ASTN1: variants seen among roughly 807,000 people sequenced by gnomAD.
ASTN1 encodes astrotactin 1.
ASTN1 carries 41 observed loss-of-function variants against 140.7 expected under a neutral mutation model. The observed-to-expected ratio is 0.29, with a 90% CI of 0.23 to 0.38. The LOEUF (loss-of-function observed/expected upper bound fraction) is 0.38, where lower values mean the gene tolerates loss of function less well. Ranked by LOEUF, ASTN1 falls within the 10% of genes least tolerant of loss-of-function variation. The pLI, the probability that ASTN1 is intolerant of heterozygous loss-of-function variation, is 1.00. For synonymous variants in ASTN1, 640 were observed against 652.2 expected (o/e 0.98, Z 0.29); for missense variants, 1,479 against 1,678.8 (o/e 0.88, Z 2.08).
rs756032018 is a variant in ASTN1, at chr1:176,894,565, C to G, written c.2937G>C (p.Gln979His). The change falls in exon 17 of 23, where the codon CAG becomes CAC. Residue 979 changes from glutamine to histidine, a missense_variant. Gln to His is a conservative substitution (Grantham distance 24). This residue lies in a region of ASTN1 where 746 missense variants were observed against 800.9 expected (regional missense o/e 0.93). Transcript: ENST00000361833. ...IYELVTNNQT[Q>H]RLLQEATMSS... ...CCAAGAGTCCCAGGCCTCTTACCCT[C>G]TGGGTCTGGTTGTTGGTCACTAGTT... The G allele has an allele frequency of 6.2e-7, 1 of 1,613,824 alleles. No individual in the cohort carries two copies. Among genetic ancestry groups the G allele is most frequent in the Non-Finnish European group, 8.5e-7 (1 of 1,180,006 alleles).
chr1:177,057,961 C>T (rs1677895395), intron 2 of ASTN1, among the ~76,000 whole-genome samples: 2 of 152,158 alleles, frequency 1.3e-5, no homozygotes, highest in Non-Finnish European at 2.9e-5. Context: ...AGGAAGCCAT[C>T]AGAGATTCTA....
At chr1:177,099,048 T>C (rs1680180256) in intron 1 of ASTN1, among the ~76,000 whole-genome samples, 1 of 152,164 alleles carries the variant, frequency 6.6e-6, no homozygotes, top group Admixed American at 6.5e-5. Context: ...ATAAAGACCA[T>C]TTTTTTCTAT....
At chr1:176,870,083 G>A (rs1668276973) in intron 21 of ASTN1, among the ~76,000 whole-genome samples, 1 of 152,214 alleles carries the variant, frequency 6.6e-6, no homozygotes, top group Non-Finnish European at 1.5e-5. Context: ...AAATGATTTT[G>A]TATAGACTTG....
chr1:177,120,740 T>C (rs1164770894), intron 1 of ASTN1, among the ~76,000 whole-genome samples: 2 of 152,184 alleles, frequency 1.3e-5, no homozygotes, highest in Admixed American at 6.5e-5. Context: ...TCGCCTTGGC[T>C]ATCCTCTGAG....
At chr1:177,013,583 T>C (rs760171698) in intron 8 of ASTN1, among the ~76,000 whole-genome samples, 1 of 152,180 alleles carries the variant, frequency 6.6e-6, no homozygotes, top group Non-Finnish European at 1.5e-5. Flanking sequence ...TTTGGTCTCA[T>C]CAGAATCACA....
At chr1:176,929,905 G>A (rs1228512056) in intron 16 of ASTN1, among the ~76,000 whole-genome samples, 6 of 152,176 alleles carry the variant, frequency 3.9e-5, no homozygotes, top group Admixed American at 1.3e-4. Context: ...CTACTCAGGA[G>A]GCTGAGGCAG....
At position 177,127,871 on chromosome 1, in the gene ASTN1, G is replaced by T. The variant is rs143957199; in HGVS notation, c.283+36523C>A. ...CATATGATGCAAAACGTAAATGTTT[G>T]CTGTAGATGTAATTTTTCATGTCAA... On this transcript the variant is annotated intron_variant, in intron 1 of 22. Coordinates refer to ENST00000361833, the MANE Select transcript of ASTN1 (RefSeq NM_004319.3). Among the ~76,000 whole-genome samples the T allele has an allele frequency of 4.9e-3, 745 of 152,312 alleles. 6 individuals carry two copies. Among genetic ancestry groups the T allele is most frequent in the African/African-American group, 0.017 (714 of 41,544 alleles).
intron 16 of ASTN1, among the ~76,000 whole-genome samples, chr1:176,911,704 T>C (rs1670248517): frequency 6.6e-6 from 1 of 152,190 alleles, no homozygotes; most frequent in African/African-American, 2.4e-5. Flanking sequence ...TCTTCTGAAC[T>C]ACCTCCTGGA....
intron 9 of ASTN1, among the ~76,000 whole-genome samples, chr1:176,959,295 G>C (rs769444261): frequency 2.6e-5 from 4 of 152,160 alleles, no homozygotes; most frequent in Non-Finnish European, 4.4e-5. Context: ...TGGGATATGA[G>C]GAGGCTGTGG....
At chr1:176,954,173 A>G (rs774052298) in intron 11 of ASTN1, among the ~76,000 whole-genome samples, 13 of 152,170 alleles carry the variant, frequency 8.5e-5, no homozygotes, top group Admixed American at 2.0e-4. Context: ...ATCACCTCAC[A>G]TGGCAAAAGC....
chr1:176,981,489 C>A (rs1673618983), intron 8 of ASTN1: 1 of 152,142 alleles, frequency 6.6e-6, no homozygotes, highest in Admixed American at 6.6e-5. Flanking sequence ...GTGCCAAAAT[C>A]CAATATGACT....
chr1:177,111,496 C>T (rs1007564547), intron 1 of ASTN1, among the ~76,000 whole-genome samples: 12 of 152,136 alleles, frequency 7.9e-5, no homozygotes, highest in African/African-American at 2.9e-4. Context: ...TGTTCAAAGA[C>T]CACTCTTAAG....
intron 1 of ASTN1, among the ~76,000 whole-genome samples, chr1:177,075,808 A>C (rs1678873651): frequency 6.6e-6 from 1 of 151,560 alleles, no homozygotes; most frequent in African/African-American, 2.4e-5. Flanking sequence ...TGGTGAGCCT[A>C]GTTTTCATTT....
downstream of ASTN1, among the ~76,000 whole-genome samples, chr1:176,858,184 C>T (rs1667869064): frequency 6.6e-6 from 1 of 152,182 alleles, no homozygotes; most frequent in Non-Finnish European, 1.5e-5. Context: ...CCAATTACAG[C>T]AGACACTGCA....
intron 8 of ASTN1, among the ~76,000 whole-genome samples, chr1:176,996,720 G>A (rs907496860): frequency 6.6e-6 from 1 of 152,174 alleles, no homozygotes; most frequent in Non-Finnish European, 1.5e-5. Flanking sequence ...GGGAAACAGA[G>A]TCTTTGATGA....
intron 16 of ASTN1, among the ~76,000 whole-genome samples, chr1:176,916,107 C>T (rs1463014057): frequency 6.6e-6 from 1 of 152,176 alleles, no homozygotes; most frequent in Non-Finnish European, 1.5e-5. Flanking sequence ...TCACCATTGA[C>T]CCTTTCTCTT....
chr1:176,881,896 T>G (rs1668814748), intron 20 of ASTN1, among the ~76,000 whole-genome samples: 1 of 152,202 alleles, frequency 6.6e-6, no homozygotes, highest in Admixed American at 6.5e-5. Flanking sequence ...TAGACATGAT[T>G]TATTCTGGAA....
At chr1:177,025,645 G>T (rs73045464) in intron 5 of ASTN1, among the ~76,000 whole-genome samples, 2 of 152,118 alleles carry the variant, frequency 1.3e-5, no homozygotes, top group South Asian at 4.2e-4. Context: ...GCAATAAAAG[G>T]TTTCCATTAA....
intron 8 of ASTN1, among the ~76,000 whole-genome samples, chr1:176,985,383 C>T (rs572758993): frequency 3.3e-5 from 5 of 152,190 alleles, no homozygotes; most frequent in African/African-American, 1.2e-4. Flanking sequence ...CGCTTGTCTC[C>T]CCTCTTACGA....
Sources: gnomAD v4.1 joint callset for allele counts (sites outside exome capture counted in the v4.1 genomes callset) on GRCh38, gnomAD v4.1.1 for gene constraint, gnomAD v4.1.1 regional missense constraint, MANE v1.5 for transcripts, NCBI Gene and HGNC (gene_info 2026-07-23, HGNC 2026-07-21) for gene names.